SLC16A10: variants seen among roughly 807,000 people sequenced by gnomAD.
SLC16A10 encodes monocarboxylate transporter 10.
A neutral mutation model predicts 40.0 loss-of-function variants in SLC16A10; 27 were observed. The ratio of observed to expected loss-of-function variants is 0.67; its 90% CI spans 0.50 to 0.93. The LOEUF is 0.93. Among genes scored for constraint, SLC16A10 ranks in the 40% least tolerant of loss-of-function variants. SLC16A10 has a pLI of 0.00. For missense variants in SLC16A10, 529 were observed against 658.2 expected (o/e 0.80, Z 2.15); for synonymous variants, 213 against 249.8 (o/e 0.85, Z 1.39).
intron 1 of SLC16A10, among the ~76,000 whole-genome samples, chr6:111,117,113 G>C (rs908770150): frequency 6.6e-6 from 1 of 152,074 alleles, no homozygotes; most frequent in Non-Finnish European, 1.5e-5. Context: ...CGCTTTGGGA[G>C]GCCGAGGTGG....
chr6:111,196,503 A>G (rs1773082075), intron 3 of SLC16A10, among the ~76,000 whole-genome samples: 1 of 152,158 alleles, frequency 6.6e-6, no homozygotes, highest in Admixed American at 6.5e-5. Context: ...AATAAAACAG[A>G]ACACAGATTA....
intron 2 of SLC16A10, among the ~76,000 whole-genome samples, chr6:111,176,677 C>T (rs1772690161): frequency 6.6e-6 from 1 of 152,226 alleles, no homozygotes; most frequent in Non-Finnish European, 1.5e-5. Flanking sequence ...CACCTCTGTG[C>T]AAATGTTCCT....
intron 3 of SLC16A10, among the ~76,000 whole-genome samples, chr6:111,183,707 G>T (rs1772844925): frequency 6.6e-6 from 1 of 152,214 alleles, no homozygotes; most frequent in Non-Finnish European, 1.5e-5. Context: ...AACCAGTAAT[G>T]CTGTCCGTTG....
intron 1 of SLC16A10, among the ~76,000 whole-genome samples, chr6:111,146,234 A>G (rs1176642609): frequency 6.6e-6 from 1 of 152,230 alleles, no homozygotes; most frequent in East Asian, 1.9e-4. Flanking sequence ...TCATTAGAGA[A>G]ATGCAAATAG....
At chr6:111,202,499 C>T (rs958898857) in intron 3 of SLC16A10, among the ~76,000 whole-genome samples, 17 of 151,822 alleles carry the variant, frequency 1.1e-4, no homozygotes, top group African/African-American at 3.1e-4. Context: ...ATGTTTCAGG[C>T]ACAGTCAGTG....
chr6:111,121,504 T>G (rs1171043201), intron 1 of SLC16A10, among the ~76,000 whole-genome samples: 1 of 152,194 alleles, frequency 6.6e-6, no homozygotes, highest in Non-Finnish European at 1.5e-5. Context: ...GAGGCTGTGG[T>G]CAGCTCTGAT....
intron 1 of SLC16A10, among the ~76,000 whole-genome samples, chr6:111,133,878 C>T (rs1244619956): frequency 1.3e-5 from 2 of 152,174 alleles, no homozygotes; most frequent in African/African-American, 4.8e-5. Context: ...GTGCATGTAC[C>T]TTTTTCTCTC....
intron 1 of SLC16A10, among the ~76,000 whole-genome samples, chr6:111,162,236 C>T (rs1297213478): frequency 1.3e-5 from 2 of 152,230 alleles, no homozygotes; most frequent in African/African-American, 4.8e-5. Context: ...ATTTTTCACA[C>T]AGGCTTTTAA....
At chr6:111,117,151 C>T (rs1457722321) in intron 1 of SLC16A10, among the ~76,000 whole-genome samples, 1 of 151,852 alleles carries the variant, frequency 6.6e-6, no homozygotes, top group Non-Finnish European at 1.5e-5. Flanking sequence ...GAGATCGAGA[C>T]CATCCTGGCT....
chr6:111,184,777 G>C (rs531023347), intron 3 of SLC16A10, among the ~76,000 whole-genome samples: 1 of 152,246 alleles, frequency 6.6e-6, no homozygotes, highest in Admixed American at 6.5e-5. Flanking sequence ...ACCGCCCCTG[G>C]CCATGAATTG....
chr6:111,219,684 A>G (rs1040484568), intron 5 of SLC16A10, among the ~76,000 whole-genome samples: 1 of 151,312 alleles, frequency 6.6e-6, no homozygotes, highest in African/African-American at 2.4e-5. Flanking sequence ...GAATATCTAC[A>G]GTGCAATATT....
chr6:111,120,742 A>G (rs1771568839), intron 1 of SLC16A10, among the ~76,000 whole-genome samples: 1 of 152,180 alleles, frequency 6.6e-6, no homozygotes, highest in African/African-American at 2.4e-5. Context: ...ACATCATATC[A>G]TAGTGTTGGT....
chr6:111,107,579 G>A (rs1771306080), intron 1 of SLC16A10, among the ~76,000 whole-genome samples: 1 of 152,212 alleles, frequency 6.6e-6, no homozygotes, highest in South Asian at 2.1e-4. Flanking sequence ...TGTAATTGAA[G>A]AGGGAACTTT....
chr6:111,102,129 A>G (rs868026389), intron 1 of SLC16A10, among the ~76,000 whole-genome samples: 3 of 152,196 alleles, frequency 2.0e-5, no homozygotes, highest in Admixed American at 6.5e-5. Flanking sequence ...TATGTAGCAT[A>G]TCTGTATATG....
At position 111,218,834 on chromosome 6, in the gene SLC16A10, T is replaced by A; in HGVS notation, c.1107T>A (p.Ile369=). The A allele has an allele frequency of 6.2e-7, 1 of 1,614,178 alleles. No homozygotes were observed. The highest frequency in any genetic ancestry group is 8.5e-7 in the Non-Finnish European group (1 of 1,180,032). ...VYLQVLSFFF[I]GLMSMMIPLC... is the part of the protein sequence containing the mutation. ...CCTAGGTACTCTCCTTTTTCTTCAT[T>A]GGTCTGATGTCCATGATGATTCCTC... Residue 369 remains isoleucine, a synonymous_variant, in exon 5 of 6, where the codon ATT becomes ATA. Coordinates refer to ENST00000368851, the MANE Select transcript of SLC16A10 (RefSeq NM_018593.5).
chr6:111,182,548 C>T (rs1772818391), intron 3 of SLC16A10, among the ~76,000 whole-genome samples: 1 of 152,012 alleles, frequency 6.6e-6, no homozygotes, highest in Non-Finnish European at 1.5e-5. Context: ...TAAGTTCATA[C>T]ATCACGTATA....
chr6:111,207,862 G>A, intron 4 of SLC16A10, among the ~76,000 whole-genome samples: 1 of 152,178 alleles, frequency 6.6e-6, no homozygotes, highest in Non-Finnish European at 1.5e-5. Flanking sequence ...TGGACAGGAA[G>A]CAGCTTGGGA....
At chr6:111,199,459 CA>C (rs563671372) in intron 3 of SLC16A10, among the ~76,000 whole-genome samples, 15,137 of 97,794 alleles carry the variant, frequency 0.15, 899 homozygotes, top group Middle Eastern at 0.29. Flanking sequence ...AATGCCATCT[CA>C]AAAAAAAAAA....
chr6:111,136,456 T>C (rs1771879278), intron 1 of SLC16A10, among the ~76,000 whole-genome samples: 1 of 152,196 alleles, frequency 6.6e-6, no homozygotes. Context: ...CCTCTCATGA[T>C]GTGAACCGCA....
Sources: allele counts gnomAD v4.1 joint callset (sites outside exome capture counted in the v4.1 genomes callset), GRCh38; gene constraint gnomAD v4.1.1; transcripts MANE v1.5; gene names NCBI Gene and HGNC (gene_info 2026-07-23, HGNC 2026-07-21).